The following PLEKHA2 variants were observed in gnomAD, a reference collection of about 807,000 sequenced individuals.
The protein encoded by PLEKHA2 is pleckstrin homology domain-containing family A member 2.
PLEKHA2 carries 28 observed loss-of-function variants against 53.2 expected under a neutral mutation model. The ratio of observed to expected loss-of-function variants is 0.53; its 90% CI spans 0.39 to 0.72. The LOEUF (loss-of-function observed/expected upper bound fraction) is 0.72, where lower values mean the gene tolerates loss of function less well. PLEKHA2 is among the 30% of genes least tolerant of loss of function. PLEKHA2 has a pLI of 0.00. For synonymous variants in PLEKHA2, 193 were observed against 196.4 expected (o/e 0.98, Z 0.14); for missense variants, 426 against 537.9 (o/e 0.79, Z 2.06).
In PLEKHA2 at chr8:38,973,830, G is replaced by C; in HGVS notation, c.*4047G>C. The C allele has an allele frequency of 4.6e-6, 1 of 219,108 alleles. No individual in the cohort carries two copies. Among genetic ancestry groups the C allele is most frequent in the Non-Finnish European group, 9.0e-6 (1 of 111,446 alleles). The allele number at this position is 219,108 out of a possible 1,614,324, so 13.6% of individuals were successfully genotyped here. ...AACTGTTACGCTTCTCATTTTATGT[G>C]ATCTCCTAATTGGTATGTAGCAAAA... is the stretch of plus-strand genomic sequence containing the variant. On this transcript the variant is annotated 3_prime_UTR_variant, in exon 12 of 12. Coordinates refer to ENST00000617275, the MANE Select transcript of PLEKHA2 (RefSeq NM_021623.2).
chr8:38,935,221 C>T (rs1834471219), intron 2 of PLEKHA2, among the ~76,000 whole-genome samples: 1 of 152,036 alleles, frequency 6.6e-6, no homozygotes, highest in Admixed American at 6.5e-5. Context: ...GTTGTCCAGG[C>T]TGGTCTCGAA....
intron 1 of PLEKHA2, among the ~76,000 whole-genome samples, chr8:38,914,556 C>A (rs779116794): frequency 2.0e-5 from 3 of 152,252 alleles, no homozygotes; most frequent in Admixed American, 6.5e-5. Flanking sequence ...GGACAGAGGG[C>A]CTTCATGGGC....
At position 38,970,104 on chromosome 8, in the gene PLEKHA2, A is replaced by G; in HGVS notation, c.*321A>G. Reference sequence around the variant, plus strand: ...GGTCTTCCTGGAGAGGGATTGTTTTAGCAGCTCCTCTCCAGAGGGGGCTGG... The same window carrying G: ...GGTCTTCCTGGAGAGGGATTGTTTTGGCAGCTCCTCTCCAGAGGGGGCTGG... On this transcript the variant is annotated 3_prime_UTR_variant, in exon 12 of 12. Coordinates refer to ENST00000617275, the MANE Select transcript of PLEKHA2 (RefSeq NM_021623.2). The G allele has an allele frequency of 4.3e-6, 2 of 465,932 alleles. No homozygotes were observed. The highest frequency in any genetic ancestry group is 7.4e-6 in the Non-Finnish European group (2 of 269,238). The allele number at this position is 465,932 out of a possible 1,614,324, so 28.9% of individuals were successfully genotyped here.
At chr8:38,909,586 T>C (rs556559854) in intron 1 of PLEKHA2, among the ~76,000 whole-genome samples, 89 of 152,292 alleles carry the variant, frequency 5.8e-4, no homozygotes, top group African/African-American at 1.9e-3. Context: ...GGGCAATTTT[T>C]TTCTTGGCTT....
chr8:38,912,633 CT>C (rs375245252), intron 1 of PLEKHA2, among the ~76,000 whole-genome samples: 104 of 152,272 alleles, frequency 6.8e-4, no homozygotes, highest in African/African-American at 2.4e-3. Context: ...GACAGTGGAT[CT>C]GGGGGCCTGG....
At chr8:38,964,665 CA>C (rs1379801738) in intron 10 of PLEKHA2, among the ~76,000 whole-genome samples, 6 of 151,172 alleles carry the variant, frequency 4.0e-5, no homozygotes, top group Admixed American at 2.6e-4. Context: ...AAAATGCTTA[CA>C]AAGACGTCTG....
chr8:38,972,489 C>G lies in PLEKHA2; in HGVS notation c.*2706C>G, dbSNP rs551029312. 7 of 152,302 alleles carry G rather than the reference C, an allele frequency of 4.6e-5. No individual in the cohort carries two copies. The highest frequency in any genetic ancestry group is 1.7e-4 in the African/African-American group (7 of 41,574). 9.4% of individuals were successfully genotyped at this position (152,302 alleles called of 1,614,324 possible). On this transcript the variant is annotated 3_prime_UTR_variant, in exon 12 of 12. Coordinates refer to ENST00000617275, the MANE Select transcript of PLEKHA2 (RefSeq NM_021623.2). ...TGTGAGCCACTGCACCTAGCCAGAA[C>G]ATCGTTAATGTAGTTCAATATGAGA...
intron 1 of PLEKHA2, among the ~76,000 whole-genome samples, chr8:38,902,803 T>C (rs1331533067): frequency 6.6e-6 from 1 of 152,236 alleles, no homozygotes; most frequent in Non-Finnish European, 1.5e-5. Flanking sequence ...TCTTTATTTT[T>C]TCTTTTTCCT....
intron 9 of PLEKHA2, among the ~76,000 whole-genome samples, chr8:38,955,281 C>T (rs947782434): frequency 6.6e-6 from 1 of 152,142 alleles, no homozygotes; most frequent in Non-Finnish European, 1.5e-5. Flanking sequence ...CTTTCACCTC[C>T]TCAATAGTTG....
At chr8:38,935,156 A>G (rs1194167370) in intron 2 of PLEKHA2, among the ~76,000 whole-genome samples, 1 of 151,996 alleles carries the variant, frequency 6.6e-6, no homozygotes, top group Non-Finnish European at 1.5e-5. Context: ...TGGGACTACA[A>G]GTGTGAGCCA....
intron 6 of PLEKHA2, among the ~76,000 whole-genome samples, chr8:38,951,248 C>T (rs1834833157): frequency 6.6e-6 from 1 of 152,058 alleles, no homozygotes; most frequent in Non-Finnish European, 1.5e-5. Flanking sequence ...ACGGGAGACA[C>T]AGAAGATGAG....
chr8:38,956,491 G>A (rs1021106485), intron 9 of PLEKHA2, among the ~76,000 whole-genome samples: 5 of 152,184 alleles, frequency 3.3e-5, no homozygotes, highest in Admixed American at 3.3e-4. Flanking sequence ...GAGGCCAATG[G>A]CAGTGGAGTA....
At chr8:38,947,066 A>C (rs1834728706) in intron 5 of PLEKHA2, among the ~76,000 whole-genome samples, 1 of 152,228 alleles carries the variant, frequency 6.6e-6, no homozygotes, top group African/African-American at 2.4e-5. Context: ...TATAGTATTC[A>C]TATTGCTAGA....
At chr8:38,921,715 A>G (rs1834198060) in intron 2 of PLEKHA2, among the ~76,000 whole-genome samples, 2 of 152,234 alleles carry the variant, frequency 1.3e-5, no homozygotes, top group African/African-American at 2.4e-5. Flanking sequence ...TTGAATTACC[A>G]GGTAAAACTA....
At chr8:38,938,039 A>G (rs140443133) in intron 3 of PLEKHA2, among the ~76,000 whole-genome samples, 2 of 152,330 alleles carry the variant, frequency 1.3e-5, no homozygotes, top group East Asian at 3.9e-4. Flanking sequence ...CAGAGCATCA[A>G]TGGCAACAGA....
Position 38,959,718 on chromosome 8 carries a change from A to C in PLEKHA2, c.837+2332A>C, listed in dbSNP as rs182957957. ...TGAGGGTAGATGGAGAAAAGTGGAA[A>C]ATTTGAGAGATATTAAAAAGGTATA... On this transcript the variant is annotated intron_variant, in intron 10 of 11. Transcript: ENST00000617275. 9.8e-5 allele frequency among the ~76,000 whole-genome samples: 15 copies of C among 152,314 alleles called. No individual in the cohort carries two copies. In the East Asian group the frequency reaches 2.5e-3, roughly 25 times the overall value.
At chr8:38,927,666 C>T (rs1331631577) in intron 2 of PLEKHA2, among the ~76,000 whole-genome samples, 6 of 152,082 alleles carry the variant, frequency 3.9e-5, no homozygotes, top group African/African-American at 1.2e-4. Context: ...TGAATATATT[C>T]ATTAAGGAAA....
intron 2 of PLEKHA2, among the ~76,000 whole-genome samples, chr8:38,921,471 G>C (rs1374261369): frequency 1.3e-5 from 2 of 152,174 alleles, no homozygotes; most frequent in Non-Finnish European, 2.9e-5. Flanking sequence ...GATCACCCAG[G>C]ACCACAGTGG....
intron 2 of PLEKHA2, among the ~76,000 whole-genome samples, chr8:38,923,752 C>G (rs1834234548): frequency 6.6e-6 from 1 of 152,132 alleles, no homozygotes; most frequent in South Asian, 2.1e-4. Flanking sequence ...GGAGGTGTCA[C>G]TAGATCCAGA....
Sources: allele counts gnomAD v4.1 joint callset (sites outside exome capture counted in the v4.1 genomes callset), GRCh38; gene constraint gnomAD v4.1.1; transcripts MANE v1.5; gene names NCBI Gene and HGNC (gene_info 2026-07-23, HGNC 2026-07-21).